The following SMYD3 variants were observed in gnomAD, a reference collection of about 807,000 sequenced individuals.
SMYD3 encodes the protein SET and MYND domain containing 3.
Under a neutral mutation model 57.7 loss-of-function variants are expected in SMYD3, and 36 were observed. The ratio of observed to expected loss-of-function variants is 0.62; its 90% CI spans 0.48 to 0.82. SMYD3 has a LOEUF of 0.82. Ranked by LOEUF, SMYD3 falls within the 40% of genes least tolerant of loss-of-function variation. The probability of loss-of-function intolerance (pLI) is 0.00; values close to 1 mark genes in which losing one functional copy is unlikely to be tolerated. For synonymous variants in SMYD3, 211 were observed against 195.0 expected, an observed-to-expected ratio of 1.08 and a Z score of -0.68; for missense variants, 515 against 538.8, an observed-to-expected ratio of 0.96 and a Z score of 0.44.
intron 5 of SMYD3, among the ~76,000 whole-genome samples, chr1:245,949,064 C>T (rs902543059): frequency 1.1e-4 from 17 of 152,192 alleles, no homozygotes; most frequent in East Asian, 3.8e-4. Context: ...ACTGCCCAGC[C>T]GGGTGCAGCC....
intron 5 of SMYD3, among the ~76,000 whole-genome samples, chr1:246,272,077 T>C (rs1458635669): frequency 1.3e-5 from 2 of 152,254 alleles, no homozygotes; most frequent in Admixed American, 6.5e-5. Flanking sequence ...CCTTTTCAGA[T>C]TGTTCACTGT....
Position 246,287,794 on chromosome 1 carries a change from T to A in SMYD3, c.531+39407A>T, listed in dbSNP as rs74154371. 2.1e-3 allele frequency among the ~76,000 whole-genome samples: 324 copies of A among 152,252 alleles called. 4 individuals are homozygous for A. The highest frequency in any genetic ancestry group is 7.4e-3 in the African/African-American group (309 of 41,542). ...CAATTATGACACCTATAAATCAATA[T>A]TTTCAGTCAACAAGCAAAATTCTTG... is the stretch of plus-strand genomic sequence containing the variant. On this transcript the variant is annotated intron_variant, in intron 5 of 11. Coordinates refer to ENST00000490107, the MANE Select transcript of SMYD3 (RefSeq NM_001167740.2).
At chr1:246,265,957 G>A (rs911381065) in intron 5 of SMYD3, among the ~76,000 whole-genome samples, 3 of 152,214 alleles carry the variant, frequency 2.0e-5, no homozygotes, top group Admixed American at 6.5e-5. Flanking sequence ...TCTCATGAAT[G>A]TTTTTAACAC....
intron 5 of SMYD3, among the ~76,000 whole-genome samples, chr1:246,013,842 A>ATTC (rs2059329078): frequency 6.6e-6 from 1 of 152,236 alleles, no homozygotes; most frequent in Non-Finnish European, 1.5e-5. Context: ...TCAAACATCC[A>ATTC]CATTCCTGCT....
chr1:245,947,051 G>A (rs1468420822), intron 5 of SMYD3, among the ~76,000 whole-genome samples: 1 of 152,108 alleles, frequency 6.6e-6, no homozygotes, highest in South Asian at 2.1e-4. Flanking sequence ...CCTGGGAGGC[G>A]GGCTGGCCTC....
At chr1:246,232,096 A>C (rs2063416533) in intron 5 of SMYD3, among the ~76,000 whole-genome samples, 1 of 152,214 alleles carries the variant, frequency 6.6e-6, no homozygotes, top group African/African-American at 2.4e-5. Flanking sequence ...ATGAGAATAC[A>C]TACATTGAGA....
chr1:245,823,359 TC>T (rs2049289662), intron 10 of SMYD3, among the ~76,000 whole-genome samples: 1 of 17,666 alleles, frequency 5.7e-5, no homozygotes, highest in Non-Finnish European at 1.1e-3. Flanking sequence ...TCGCTCTCGC[TC>T]TCTCTCTCTC....
intron 5 of SMYD3, among the ~76,000 whole-genome samples, chr1:246,027,234 T>A (rs922914437): frequency 1.3e-5 from 2 of 152,220 alleles, no homozygotes; most frequent in East Asian, 1.9e-4. Flanking sequence ...AACTTAAAAC[T>A]GCAAGGTGAC....
chr1:246,000,995 G>A (rs2059031078), intron 5 of SMYD3, among the ~76,000 whole-genome samples: 1 of 152,154 alleles, frequency 6.6e-6, no homozygotes, highest in African/African-American at 2.4e-5. Context: ...CTAAAGTTCT[G>A]TGATGGTAAG....
chr1:246,488,608 C>T (rs1271860741), intron 1 of SMYD3, among the ~76,000 whole-genome samples: 1 of 152,306 alleles, frequency 6.6e-6, no homozygotes, highest in African/African-American at 2.4e-5. Flanking sequence ...ATAGCTTGAA[C>T]CCAGGAGGCA....
At chr1:246,082,652 C>T (rs2060654759) in intron 5 of SMYD3, among the ~76,000 whole-genome samples, 3 of 152,166 alleles carry the variant, frequency 2.0e-5, no homozygotes, top group Non-Finnish European at 4.4e-5. Flanking sequence ...TCTTTCTTTA[C>T]TGCAATATCG....
At chr1:246,447,462 T>C (rs966013884) in intron 1 of SMYD3, among the ~76,000 whole-genome samples, 1 of 152,192 alleles carries the variant, frequency 6.6e-6, no homozygotes, top group Non-Finnish European at 1.5e-5. Flanking sequence ...TGAAATATAT[T>C]TGACATTTGA....
intron 5 of SMYD3, among the ~76,000 whole-genome samples, chr1:246,158,136 G>A (rs1463007477): frequency 4.6e-5 from 7 of 152,202 alleles, no homozygotes; most frequent in African/African-American, 1.4e-4. Flanking sequence ...GGGTATGACT[G>A]ATTTCTAAGT....
chr1:246,000,757 G>A lies in SMYD3; in HGVS notation c.532-70820C>T, dbSNP rs552280441. On this transcript the variant is annotated intron_variant, in intron 5 of 11. Coordinates refer to ENST00000490107, the MANE Select transcript of SMYD3 (RefSeq NM_001167740.2). The stretch of plus-strand genomic sequence containing the variant: ...GCCTACAAGCCTTACACTCATCACT[G>A]GTGATTCGCTGAGTTCACCTTGTCA... Among the ~76,000 whole-genome samples, 8 of 152,282 alleles carry A rather than the reference G, an allele frequency of 5.3e-5. No homozygotes were observed. The South Asian group carries it at 1.2e-3, about 24-fold the overall frequency.
intron 5 of SMYD3, among the ~76,000 whole-genome samples, chr1:246,200,072 A>G (rs904244204): frequency 4.8e-4 from 20 of 41,392 alleles, no homozygotes; most frequent in Admixed American, 3.7e-3. Flanking sequence ...ACTGTGATAG[A>G]GTAGAGGAGA....
At chr1:246,225,705 C>T (rs1007144275) in intron 5 of SMYD3, among the ~76,000 whole-genome samples, 2 of 152,132 alleles carry the variant, frequency 1.3e-5, no homozygotes, top group Admixed American at 6.6e-5. Flanking sequence ...ATAAACCATA[C>T]GGATCTACAA....
intron 5 of SMYD3, among the ~76,000 whole-genome samples, chr1:246,177,401 T>C (rs2062452091): frequency 6.6e-6 from 1 of 152,210 alleles, no homozygotes; most frequent in Non-Finnish European, 1.5e-5. Context: ...ACCCCTTCAA[T>C]TGTCTAAATA....
intron 11 of SMYD3, among the ~76,000 whole-genome samples, chr1:245,758,160 CATT>C (rs2045689217): frequency 6.6e-6 from 1 of 152,090 alleles, no homozygotes; most frequent in Non-Finnish European, 1.5e-5. Flanking sequence ...TTGCAAATAG[CATT>C]ATTCTCTTAA....
At chr1:246,301,635 C>T (rs926610177) in intron 5 of SMYD3, among the ~76,000 whole-genome samples, 1 of 152,156 alleles carries the variant, frequency 6.6e-6, no homozygotes, top group Non-Finnish European at 1.5e-5. Context: ...TAAGGGAACA[C>T]AATAACATTT....
Sources: gnomAD v4.1 joint callset for allele counts (sites outside exome capture counted in the v4.1 genomes callset) on GRCh38, gnomAD v4.1.1 for gene constraint, MANE v1.5 for transcripts, NCBI Gene and HGNC (gene_info 2026-07-23, HGNC 2026-07-21) for gene names.